DLG4: variants seen among roughly 807,000 people sequenced by gnomAD.
DLG4 encodes the protein discs large MAGUK scaffold protein 4, also known as disks large homolog 4.
Under a neutral mutation model 93.8 loss-of-function variants are expected in DLG4, and 7 were observed. The ratio of observed to expected loss-of-function variants is 0.07; its 90% CI spans 0.04 to 0.14. The LOEUF (loss-of-function observed/expected upper bound fraction) is 0.14. Among genes scored for constraint, DLG4 ranks in the 10% least tolerant of loss-of-function variants. The pLI, the probability that DLG4 is intolerant of heterozygous loss-of-function variation, is 1.00. For synonymous variants in DLG4, 341 were observed against 387.6 expected, an observed-to-expected ratio of 0.88 and a Z score of 1.41; for missense variants, 545 against 992.9, an observed-to-expected ratio of 0.55 and a Z score of 6.06.
chr17:7,192,111 G>T, intron 17 of DLG4, 109 bp from the exon 18 acceptor site: 2 of 561,764 alleles, frequency 3.6e-6, no homozygotes, highest in East Asian at 3.2e-5. Flanking sequence ...GAAGTTGGCC[G>T]AAGGGGAGTG....
chr17:7,192,168 G>A, intron 17 of DLG4, 166 bp from the exon 18 acceptor site: 1 of 475,308 alleles, frequency 2.1e-6, no homozygotes, highest in Non-Finnish European at 3.7e-6. Flanking sequence ...GCAGGAAGCG[G>A]GTATGGACAG....
chr17:7,203,323 C>T lies in DLG4; in HGVS notation c.512G>A (p.Gly171Asp). ...CCCTACGCCCCCTGCGATGCTGAAGCCAAGACCTGGATGGAGGGGAGGCCA... is the reference window on the plus strand; with the variant it reads ...CCCTACGCCCCCTGCGATGCTGAAGTCAAGACCTGGATGGAGGGGAGGCCA... ...IKLIKGPKGLGFSIAGGVGNQ... is the reference protein window; with the variant it reads ...IKLIKGPKGLDFSIAGGVGNQ... The change falls in exon 7 of 20, where the codon GGC becomes GAC. Residue 171 changes from glycine (G) to aspartate (D), a missense_variant. Coordinates refer to ENST00000399506, the MANE Select transcript of DLG4 (RefSeq NM_001321075.3). This position sits in a 1 kb window ranked among gnomAD's most constrained non-coding sequence, Gnocchi z 7.2. The T allele has an allele frequency of 6.2e-7, 1 of 1,600,612 alleles. No individual in the cohort carries two copies. The highest frequency in any genetic ancestry group is 8.6e-7 in the Non-Finnish European group (1 of 1,169,238).
rs1466175447 is a variant in DLG4 at position 7,194,523 on chromosome 17, G to A, written c.1302-28C>T. On this transcript the variant is annotated intron_variant, in intron 11 of 19. Coordinates refer to ENST00000399506, the MANE Select transcript of DLG4 (RefSeq NM_001321075.3). The surrounding 1 kb of genome is among the most constrained non-coding windows in gnomAD (Gnocchi z 4.4). ...GGAGGGCAAGTGGCTATCGGTCAGA[G>A]CCCAGCTGAGGACTCCAGGAAGGAT... is the stretch of plus-strand genomic sequence containing the variant. 6.3e-7 allele frequency: 1 copy of A among 1,579,714 alleles called. No individual in the cohort carries two copies. The highest frequency in any genetic ancestry group is 2.3e-5 in the East Asian group (1 of 42,990).
At position 7,190,253 on chromosome 17, in the gene DLG4, G is replaced by A. The variant is rs1160714990; in HGVS notation, c.*455C>T. On this transcript the variant is annotated 3_prime_UTR_variant, in exon 20 of 20. Coordinates refer to ENST00000399506, the MANE Select transcript of DLG4 (RefSeq NM_001321075.3). ...AATAAATGAGAAATCAAGGAACATGGGGAATTACGATGAGGGCAGGGGTGA... is the reference window on the plus strand; with the variant it reads ...AATAAATGAGAAATCAAGGAACATGAGGAATTACGATGAGGGCAGGGGTGA... 1 of 156,384 alleles carries A rather than the reference G, an allele frequency of 6.4e-6. No individual in the cohort carries two copies. Among genetic ancestry groups the A allele is most frequent in the Non-Finnish European group, 1.4e-5 (1 of 70,956 alleles). The allele number at this position is 156,384 out of a possible 1,614,324, so 9.7% of individuals were successfully genotyped here.
intron 1 of DLG4, among the ~76,000 whole-genome samples, chr17:7,213,183 C>T (rs1427345286): frequency 3.4e-5 from 5 of 147,870 alleles, no homozygotes; most frequent in Admixed American, 2.7e-4. Context: ...CTGCAACATC[C>T]GGCTCCCGGG....
chr17:7,218,726 C>T (rs2071050138), upstream of DLG4: 1 of 1,563,612 alleles, frequency 6.4e-7, no homozygotes, highest in African/African-American at 1.4e-5. Context: ...CAGACTGTGC[C>T]CTTCACCCCA....
intron 1 of DLG4, among the ~76,000 whole-genome samples, chr17:7,214,678 G>T (rs912080824): frequency 3.9e-5 from 6 of 152,126 alleles, no homozygotes; most frequent in Non-Finnish European, 8.8e-5. Flanking sequence ...CCCTCGCCCG[G>T]CCCTCCAGTC....
upstream of DLG4, chr17:7,219,932 G>GACGCGGGCGTGCAGA (rs1335775002): frequency 6.3e-7 from 1 of 1,576,312 alleles, no homozygotes; most frequent in East Asian, 2.3e-5. Context: ...GGGCGTGCAG[G>GACGCGGGCGTGCAGA]ACGCCAGAGC....
chr17:7,196,992 G>A lies in DLG4; in HGVS notation c.848C>T (p.Pro283Leu), dbSNP rs1338053109. 1 of 1,613,630 alleles carries A rather than the reference G, an allele frequency of 6.2e-7. No homozygotes were observed. The highest frequency in any genetic ancestry group is 1.3e-5 in the African/African-American group (1 of 74,910). ...SHSSYLGTDY[P>L]TAMTPTSPRR... ...AGGGGAAGTGGGGGTCATGGCTGTG[G>A]GGTAGTCGGTGCCCAGGTAGCTGCT... is the stretch of plus-strand genomic sequence containing the variant. Residue 283 changes from proline (P) to leucine (L), a missense_variant, in exon 9 of 20, where the codon CCC (proline) becomes CTC (leucine). Around this residue, in one of 5 missense-constraint regions of DLG4, gnomAD observed 428 missense variants for 741.4 expected, o/e 0.58. Coordinates refer to ENST00000399506, the MANE Select transcript of DLG4 (RefSeq NM_001321075.3). The surrounding 1 kb of genome is among the most constrained non-coding windows in gnomAD (Gnocchi z 8.3).
chr17:7,196,129 G>T lies in DLG4; in HGVS notation c.1301+91C>A. 2.1e-6 allele frequency: 2 copies of T among 931,576 alleles called. No individual in the cohort carries two copies. The highest frequency in any genetic ancestry group is 3.3e-6 in the Non-Finnish European group (2 of 612,242). 57.7% of individuals were successfully genotyped at this position (931,576 alleles called of 1,614,324 possible). On this transcript the variant is annotated intron_variant, in intron 11 of 19. Transcript: ENST00000399506. The surrounding 1 kb of genome is among the most constrained non-coding windows in gnomAD (Gnocchi z 8.3). ...GGGGTGGGGAGCTAGAGCAGGCAGG[G>T]TGGAGAAGAGGAGCGGCTGAGGCCC...
Position 7,208,285 on chromosome 17 carries a change from AGGCTCCAGGCTGGCCGCCCT to A in DLG4, c.31-66_31-47del. On this transcript the variant is annotated intron_variant, in intron 1 of 19. Coordinates refer to ENST00000399506, the MANE Select transcript of DLG4 (RefSeq NM_001321075.3). The surrounding 1 kb of genome is among the most constrained non-coding windows in gnomAD (Gnocchi z 5.4). ...GTCACTGGGGCCAGCCCGGTGCCTC[AGGCTCCAGGCTGGCCGCCCT>A]GGCCGCCGCCTCTTCCCCCAGCCAG... 1 of 1,307,378 alleles carries A rather than the reference AGGCTCCAGGCTGGCCGCCCT, an allele frequency of 7.6e-7. No individual in the cohort carries two copies. The highest frequency in any genetic ancestry group is 2.1e-4 in the Middle Eastern group (1 of 4,702). The allele number at this position is 1,307,378 out of a possible 1,614,324, so 81.0% of individuals were successfully genotyped here.
chr17:7,208,989 C>G lies in DLG4; in HGVS notation c.31-750G>C, dbSNP rs1046353252. The stretch of plus-strand genomic sequence containing the variant: ...ACCCCTGCAACAGCCCACAGCCCAG[C>G]CAGCTAATCCGGTTATGCTATAAGG... On this transcript the variant is annotated intron_variant, in intron 1 of 19. Coordinates refer to ENST00000399506, the MANE Select transcript of DLG4 (RefSeq NM_001321075.3). This position sits in a 1 kb window ranked among gnomAD's most constrained non-coding sequence, Gnocchi z 5.4. Among the ~76,000 whole-genome samples the G allele has an allele frequency of 6.6e-6, 1 of 152,128 alleles. No homozygotes were observed. The highest frequency in any genetic ancestry group is 1.5e-5 in the Non-Finnish European group (1 of 68,030).
chr17:7,196,164 A>G lies in DLG4; in HGVS notation c.1301+56T>C. On this transcript the variant is annotated intron_variant, in intron 11 of 19. Coordinates refer to ENST00000399506, the MANE Select transcript of DLG4 (RefSeq NM_001321075.3). The surrounding 1 kb of genome is among the most constrained non-coding windows in gnomAD (Gnocchi z 8.3). ...GGAGCGGCTGAGGCCCGGGCCAGGC[A>G]CAGAGTGCCCAGGAACGCAGAGGGG... 1 of 1,401,884 alleles carries G rather than the reference A, an allele frequency of 7.1e-7. No homozygotes were observed. Among genetic ancestry groups the G allele is most frequent in the Non-Finnish European group, 9.9e-7 (1 of 1,005,546 alleles). The allele number at this position is 1,401,884 out of a possible 1,614,324, so 86.8% of individuals were successfully genotyped here.
In DLG4 at chr17:7,191,968, G is replaced by T; in HGVS notation, c.1901C>A (p.Ala634Asp). 1 of 1,478,256 alleles carries T rather than the reference G, an allele frequency of 6.8e-7. No homozygotes were observed. 91.6% of individuals were successfully genotyped at this position (1,478,256 alleles called of 1,614,324 possible). Reference protein sequence around the residue: ...KHCILDVSANAVRRLQAAHLH... With the variant: ...KHCILDVSANDVRRLQAAHLH... ...GTGGGCCGCCTGCAGCCGCCGCACGGCATTGGCCGAGACATCGAGGATGCA... is the reference window on the plus strand; with the variant it reads ...GTGGGCCGCCTGCAGCCGCCGCACGTCATTGGCCGAGACATCGAGGATGCA... The change falls in exon 18 of 20, where the codon GCC becomes GAC. Residue 634 changes from alanine (A) to aspartate (D), a missense_variant. This residue lies in a region of DLG4 where 428 missense variants were observed against 741.4 expected (regional missense o/e 0.58). Transcript: ENST00000399506. This position sits in a 1 kb window ranked among gnomAD's most constrained non-coding sequence, Gnocchi z 6.6.
At chr17:7,204,418 C>T (rs938976181) in intron 2 of DLG4, 166 bp from the exon 3 acceptor site, 2 of 642,156 alleles carry the variant, frequency 3.1e-6, no homozygotes, top group Non-Finnish European at 5.4e-6. Context: ...ATCACACACA[C>T]GCACACGCGT....
chr17:7,208,708 C>T lies in DLG4; in HGVS notation c.31-469G>A. Among the ~76,000 whole-genome samples, 1 of 152,234 alleles carries T rather than the reference C, an allele frequency of 6.6e-6. No homozygotes were observed. The stretch of plus-strand genomic sequence containing the variant: ...TGTTCTAGCCTCCCCTCCCCTACCC[C>T]TCTGGCTGCTCCTACTCTGCATGGC... On this transcript the variant is annotated intron_variant, in intron 1 of 19. Coordinates refer to ENST00000399506, the MANE Select transcript of DLG4 (RefSeq NM_001321075.3). The surrounding 1 kb of genome is among the most constrained non-coding windows in gnomAD (Gnocchi z 5.4).
chr17:7,213,443 C>T (rs1028694690), intron 1 of DLG4, among the ~76,000 whole-genome samples: 1 of 152,110 alleles, frequency 6.6e-6, no homozygotes, highest in African/African-American at 2.4e-5. Flanking sequence ...AGATTACACC[C>T]TTTTCTGTCT....
rs181702549 is a variant in DLG4 at position 7,204,138 on chromosome 17, C to T, written c.150+61G>A. ...CTGACCACCTGCCCGTCATCTGCTGCCCTCCCTTACTCCCTCCTTCCTTCT... is the reference window on the plus strand; with the variant it reads ...CTGACCACCTGCCCGTCATCTGCTGTCCTCCCTTACTCCCTCCTTCCTTCT... On this transcript the variant is annotated intron_variant, in intron 3 of 19. Transcript: ENST00000399506. 12,350 of 1,600,524 alleles carry T rather than the reference C, an allele frequency of 7.7e-3. 65 individuals are homozygous for T. Among genetic ancestry groups the T allele is most frequent in the Non-Finnish European group, 8.5e-3 (10,025 of 1,173,202 alleles).
In DLG4 at chr17:7,208,090, G is replaced by T; in HGVS notation, c.96+84C>A. The T allele has an allele frequency of 7.6e-7, 1 of 1,316,490 alleles. No homozygotes were observed. 81.6% of individuals were successfully genotyped at this position (1,316,490 alleles called of 1,614,324 possible). A position where few individuals can be genotyped will look rare whatever the true frequency, so the allele number is the denominator to read the frequency against. ...GGTCTCCTACCTTGAAGGGGGAGAG[G>T]TGGGCGTGGCCCACGACCCCGTGGC... On this transcript the variant is annotated intron_variant, in intron 2 of 19. Transcript: ENST00000399506. This position sits in a 1 kb window ranked among gnomAD's most constrained non-coding sequence, Gnocchi z 5.4.
Sources: gnomAD v4.1 joint callset for allele counts (sites outside exome capture counted in the v4.1 genomes callset) on GRCh38, gnomAD v4.1.1 for gene constraint, gnomAD v4.1.1 regional missense constraint, Gnocchi (gnomAD v3.1) non-coding constraint, MANE v1.5 for transcripts, NCBI Gene and HGNC (gene_info 2026-07-23, HGNC 2026-07-21) for gene names.